The following OSBPL5 variants were observed in gnomAD, a reference collection of about 807,000 sequenced individuals.
OSBPL5 encodes oxysterol binding protein like 5.
Under a neutral mutation model 111.2 loss-of-function variants are expected in OSBPL5, and 71 were observed. The observed-to-expected ratio is 0.64, with a 90% CI of 0.53 to 0.78. The LOEUF (loss-of-function observed/expected upper bound fraction) is 0.78. OSBPL5 is among the 30% of genes least tolerant of loss of function. The pLI, the probability that OSBPL5 is intolerant of heterozygous loss-of-function variation, is 0.00. For synonymous variants in OSBPL5, 549 were observed against 513.9 expected, an observed-to-expected ratio of 1.07 and a Z score of -0.93; for missense variants, 1,210 against 1,189.3, an observed-to-expected ratio of 1.02 and a Z score of -0.26.
chr11:3,096,015 T>C (rs1186255850), intron 14 of OSBPL5, among the ~76,000 whole-genome samples: 6 of 151,962 alleles, frequency 3.9e-5, no homozygotes, highest in Non-Finnish European at 7.4e-5. Context: ...TCGTGGTTTA[T>C]AGGAAATCCC....
At chr11:3,131,695 C>A (rs1845791513) in intron 1 of OSBPL5, among the ~76,000 whole-genome samples, 1 of 134,232 alleles carries the variant, frequency 7.4e-6, no homozygotes, top group African/African-American at 3.1e-5. Context: ...CCCACCCATT[C>A]ATCTATCCAT....
intron 7 of OSBPL5, among the ~76,000 whole-genome samples, chr11:3,108,477 G>C (rs1857791020): frequency 6.6e-6 from 1 of 152,166 alleles, no homozygotes; most frequent in Admixed American, 6.5e-5. Context: ...AGGAGGGTGG[G>C]GAAGGCTGAG....
In OSBPL5 at chr11:3,091,576, C is replaced by G. The variant is rs564968850; in HGVS notation, c.2259+856G>C. Reference sequence around the variant, plus strand: ...GGGGAGAGGCTGAGGAGCGGGACTGCGAGGGTCTGGGGCCAAGGGAAGGCA... The same window carrying G: ...GGGGAGAGGCTGAGGAGCGGGACTGGGAGGGTCTGGGGCCAAGGGAAGGCA... On this transcript the variant is annotated intron_variant, in intron 19 of 21. Transcript: ENST00000263650. Among the ~76,000 whole-genome samples the G allele has an allele frequency of 2.6e-5, 4 of 151,840 alleles. No individual in the cohort carries two copies. The South Asian group carries it at 8.3e-4, about 32-fold the overall frequency.
Position 3,103,697 on chromosome 11 carries a change from A to T in OSBPL5, c.1245-377T>A, listed in dbSNP as rs1161017500. On this transcript the variant is annotated intron_variant, in intron 10 of 21. Transcript: ENST00000263650. Reference sequence around the variant, plus strand: ...CTTCCAGTCTCTGCAGCCCCCTTCCAGCCTGCGTACCCCCTTCCAGGCTCT... The same window carrying T: ...CTTCCAGTCTCTGCAGCCCCCTTCCTGCCTGCGTACCCCCTTCCAGGCTCT... Among the ~76,000 whole-genome samples the T allele has an allele frequency of 2.0e-4, 17 of 85,190 alleles. 1 individual carries two copies. Among genetic ancestry groups the T allele is most frequent in the Non-Finnish European group, 2.9e-4 (12 of 41,592 alleles). The allele number at this position is 85,190 out of a possible 152,430, so 55.9% of individuals were successfully genotyped here.
rs760510484 is a variant in OSBPL5 at position 3,122,389 on chromosome 11, C to T, written c.259G>A (p.Val87Met). ...TTGGTGACCCTGGCGGTGGGGGACA[C>T]ACATTCCTTGTCTGACCCGTTGCAC... ...RLCNGSDKEC[V>M]SPTARVTKKE... Residue 87 changes from valine to methionine, a missense_variant, in exon 4 of 22, where the codon GTG (valine) becomes ATG (methionine). Physicochemically the swap from Val to Met is conservative, Grantham distance 21. Coordinates refer to ENST00000263650, the MANE Select transcript of OSBPL5 (RefSeq NM_020896.4). 3 of 1,613,862 alleles carry T rather than the reference C, an allele frequency of 1.9e-6. No homozygotes were observed. The highest frequency in any genetic ancestry group is 1.1e-5 in the South Asian group (1 of 91,064).
intron 1 of OSBPL5, among the ~76,000 whole-genome samples, chr11:3,157,480 T>C (rs1846811173): frequency 6.6e-6 from 1 of 152,108 alleles, no homozygotes; most frequent in African/African-American, 2.4e-5. Flanking sequence ...AGCACCCCGA[T>C]GGAGGCAGGC....
rs201796907 is a variant in OSBPL5 at position 3,113,335 on chromosome 11, T to TA, written c.692-5391dup. On this transcript the variant is annotated intron_variant, in intron 7 of 21. Transcript: ENST00000263650. The surrounding 1 kb of genome is among the most constrained non-coding windows in gnomAD (Gnocchi z 4.8). ...AGGTGTCAAAATTTGGCATAGGAGT[T>TA]ACGAAACTATAAACCCAGCCCAAGA... is the stretch of plus-strand genomic sequence containing the variant. Among the ~76,000 whole-genome samples, 4,745 of 152,298 alleles carry TA rather than the reference T, an allele frequency of 0.031. 124 individuals carry two copies. The highest frequency in any genetic ancestry group is 0.071 in the Middle Eastern group (21 of 294).
rs183117311 is a variant in OSBPL5 at position 3,119,250 on chromosome 11, A to G, written c.691+297T>C. 1.1e-3 allele frequency among the ~76,000 whole-genome samples: 160 copies of G among 152,114 alleles called. No homozygotes were observed. The East Asian group carries it at 0.024, about 23-fold the overall frequency. On this transcript the variant is annotated intron_variant, in intron 7 of 21. Coordinates refer to ENST00000263650, the MANE Select transcript of OSBPL5 (RefSeq NM_020896.4). ...GGTCCTGAACTCCTGACCTCAAGTA[A>G]TCTACCCGCCTTGGCTTGCCAAAGT...
intron 1 of OSBPL5, among the ~76,000 whole-genome samples, chr11:3,164,933 C>T (rs1847072283): frequency 1.3e-5 from 2 of 151,718 alleles, no homozygotes; most frequent in African/African-American, 4.8e-5. Flanking sequence ...CACTCGCGGG[C>T]CCCACCCGCC....
chr11:3,129,131 GA>G lies in OSBPL5; in HGVS notation c.17del (p.Phe6SerfsTer116). ...GACACAGGGAGAAGCGGCGCCGGAG[GA>G]AGGCCTCCTCCTTCATGCTGTGGGC... MKEEA[F>X]LRRRFSLCPP... On this transcript the variant is annotated frameshift_variant, in exon 2 of 22. Transcript: ENST00000263650. LOFTEE classifies it high-confidence loss of function. 6.7e-7 allele frequency: 1 copy of G among 1,484,088 alleles called. No individual in the cohort carries two copies. The highest frequency in any genetic ancestry group is 9.0e-7 in the Non-Finnish European group (1 of 1,113,220). The allele number at this position is 1,484,088 out of a possible 1,614,324, so 91.9% of individuals were successfully genotyped here.
intron 1 of OSBPL5, among the ~76,000 whole-genome samples, chr11:3,152,617 G>A (rs557239399): frequency 7.9e-5 from 12 of 152,328 alleles, no homozygotes; most frequent in South Asian, 2.1e-4. Flanking sequence ...CGATGGGCTC[G>A]GGCTCAGGCG....
Position 3,093,531 on chromosome 11 carries a change from C to G in OSBPL5, c.1942G>C (p.Glu648Gln), listed in dbSNP as rs374824031. The change falls in exon 17 of 22, where the codon GAG becomes CAG. Residue 648 changes from glutamate (E) to glutamine (Q), a missense_variant. Glu to Gln is a conservative substitution (Grantham distance 29). Coordinates refer to ENST00000263650, the MANE Select transcript of OSBPL5 (RefSeq NM_020896.4). ...PLEEQTELES[E>Q]RLWQHVTRAI... Reference sequence around the variant, plus strand: ...CTGGGCGCTGACAGGCCTCACCTCTCGGACTCCAGCTCCGTCTGCTCCTCC... The same window carrying G: ...CTGGGCGCTGACAGGCCTCACCTCTGGGACTCCAGCTCCGTCTGCTCCTCC... 1 of 1,608,598 alleles carries G rather than the reference C, an allele frequency of 6.2e-7. No homozygotes were observed. Among genetic ancestry groups the G allele is most frequent in the Admixed American group, 1.7e-5 (1 of 60,014 alleles).
intron 1 of OSBPL5, among the ~76,000 whole-genome samples, chr11:3,131,768 CCCAT>C (rs375306874): frequency 4.6e-5 from 5 of 109,828 alleles, no homozygotes; most frequent in Admixed American, 8.6e-5. Context: ...CCACCATCTT[CCCAT>C]CCATCCATCC....
intron 14 of OSBPL5, among the ~76,000 whole-genome samples, chr11:3,097,149 A>G: frequency 3.6e-5 from 2 of 56,268 alleles, no homozygotes; most frequent in African/African-American, 5.6e-5. Flanking sequence ...GAGGAGGAGG[A>G]GAGGAAAAGG....
rs774192603 is a variant in OSBPL5 at position 3,114,591 on chromosome 11, A to ACTTTTTTTTTTTTTTTTTTTTTTTTTTTT, written c.691+4955_691+4956insAAAAAAAAAAAAAAAAAAAAAAAAAAAAG. Among the ~76,000 whole-genome samples the ACTTTTTTTTTTTTTTTTTTTTTTTTTTTT allele has an allele frequency of 2.1e-4, 24 of 113,900 alleles. 11 individuals are homozygous for ACTTTTTTTTTTTTTTTTTTTTTTTTTTTT. The highest frequency in any genetic ancestry group is 3.9e-4 in the African/African-American group (11 of 28,388). The allele number at this position is 113,900 out of a possible 152,430, so 74.7% of individuals were successfully genotyped here. A position where few individuals can be genotyped will look rare whatever the true frequency, so the allele number is the denominator to read the frequency against. ...GACTAAAGAATTGGTTAGAACAATG[A>ACTTTTTTTTTTTTTTTTTTTTTTTTTTTT]TTTTTTTTTTTTTTTTTTTTTTTTT... On this transcript the variant is annotated intron_variant, in intron 7 of 21. Transcript: ENST00000263650.
At chr11:3,143,461 A>G (rs1169052069) in intron 1 of OSBPL5, among the ~76,000 whole-genome samples, 2 of 152,194 alleles carry the variant, frequency 1.3e-5, no homozygotes, top group Admixed American at 6.5e-5. Context: ...AGACATCCAC[A>G]TGGGTGAACG....
At position 3,110,371 on chromosome 11, in the gene OSBPL5, C is replaced by T. The variant is rs1857878716; in HGVS notation, c.692-2426G>A. 6.6e-6 allele frequency among the ~76,000 whole-genome samples: 1 copy of T among 152,216 alleles called. No homozygotes were observed. Among genetic ancestry groups the T allele is most frequent in the Non-Finnish European group, 1.5e-5 (1 of 68,034 alleles). On this transcript the variant is annotated intron_variant, in intron 7 of 21. Transcript: ENST00000263650. This position sits in a 1 kb window ranked among gnomAD's most constrained non-coding sequence, Gnocchi z 5.3. Reference sequence around the variant, plus strand: ...AGGAACGGCCAAGAGGGAATCCCTCCAGGTGGAGGATCATCGCAGTCACAG... The same window carrying T: ...AGGAACGGCCAAGAGGGAATCCCTCTAGGTGGAGGATCATCGCAGTCACAG...
chr11:3,145,682 C>G (rs1480668727), intron 1 of OSBPL5, among the ~76,000 whole-genome samples: 1 of 152,188 alleles, frequency 6.6e-6, no homozygotes, highest in African/African-American at 2.4e-5. Context: ...CACCCTCAGA[C>G]CCCAGACCAG....
intron 1 of OSBPL5, among the ~76,000 whole-genome samples, chr11:3,156,037 C>A (rs2134554956): frequency 6.6e-6 from 1 of 152,336 alleles, no homozygotes; most frequent in South Asian, 2.1e-4. Context: ...GGCCAGGATT[C>A]CTCCCACAGC....
Sources: allele counts gnomAD v4.1 joint callset (sites outside exome capture counted in the v4.1 genomes callset), GRCh38; gene constraint gnomAD v4.1.1; non-coding constraint Gnocchi (gnomAD v3.1); transcripts MANE v1.5; gene names NCBI Gene and HGNC (gene_info 2026-07-23, HGNC 2026-07-21).